AKAP19: variants seen among roughly 807,000 people sequenced by gnomAD.
The protein encoded by AKAP19 is small A-kinase anchoring protein.
the AKAP19 span, among the ~76,000 whole-genome samples, chr2:190,187,809 G>T: frequency 6.6e-6 from 1 of 152,142 alleles, no homozygotes; most frequent in Non-Finnish European, 1.5e-5. Context: ...AGCCACAACT[G>T]GCCACTGTAC....
At chr2:190,076,530 T>C in the AKAP19 span, among the ~76,000 whole-genome samples, 1 of 152,254 alleles carries the variant, frequency 6.6e-6, no homozygotes, top group Admixed American at 6.5e-5. Context: ...ATTATTTTAA[T>C]CTTATTTTCA....
the AKAP19 span, among the ~76,000 whole-genome samples, chr2:189,918,357 C>A: frequency 6.6e-6 from 1 of 151,988 alleles, no homozygotes; most frequent in East Asian, 1.9e-4. Context: ...CTCCTAGTAC[C>A]ACACTCCCTT....
the AKAP19 span, among the ~76,000 whole-genome samples, chr2:189,948,558 G>A: frequency 6.6e-6 from 1 of 152,160 alleles, no homozygotes. Context: ...TTTTAACAAT[G>A]TATGTACATC....
At chr2:190,094,966 G>A in the AKAP19 span, among the ~76,000 whole-genome samples, 30 of 152,152 alleles carry the variant, frequency 2.0e-4, no homozygotes, top group Non-Finnish European at 3.2e-4. Context: ...GGCTCACGCC[G>A]GTAATCCCAG....
the AKAP19 span, among the ~76,000 whole-genome samples, chr2:190,171,625 T>TG: frequency 2.6e-5 from 4 of 152,184 alleles, no homozygotes; most frequent in African/African-American, 9.6e-5. Flanking sequence ...AATATATAAT[T>TG]GGTGGATATT....
chr2:189,982,469 A>G, the AKAP19 span, among the ~76,000 whole-genome samples: 1 of 152,054 alleles, frequency 6.6e-6, no homozygotes, highest in Non-Finnish European at 1.5e-5. Flanking sequence ...TGCAATCCAT[A>G]TTTTGAATTC....
chr2:189,968,761 G>C, the AKAP19 span, among the ~76,000 whole-genome samples: 1 of 152,142 alleles, frequency 6.6e-6, no homozygotes, highest in Admixed American at 6.6e-5. Flanking sequence ...TACTAGGATT[G>C]GAAGGTTTCT....
At chr2:190,144,253 A>AG in the AKAP19 span, among the ~76,000 whole-genome samples, 3 of 151,110 alleles carry the variant, frequency 2.0e-5, no homozygotes, top group Non-Finnish European at 4.4e-5. Flanking sequence ...TAACAGAAAA[A>AG]AAAAAAAGAG....
At chr2:190,112,580 T>C in the AKAP19 span, among the ~76,000 whole-genome samples, 1 of 152,184 alleles carries the variant, frequency 6.6e-6, no homozygotes, top group Non-Finnish European at 1.5e-5. Context: ...TTTTTAATTT[T>C]CTTATAAGCT....
the AKAP19 span, among the ~76,000 whole-genome samples, chr2:189,995,002 A>C: frequency 6.6e-6 from 1 of 152,166 alleles, no homozygotes; most frequent in Non-Finnish European, 1.5e-5. Context: ...TAGTTGATAT[A>C]ATTTTGATTT....
At chr2:189,943,563 A>G in the AKAP19 span, among the ~76,000 whole-genome samples, 1 of 152,190 alleles carries the variant, frequency 6.6e-6, no homozygotes, top group Non-Finnish European at 1.5e-5. Flanking sequence ...CCCCAATGGG[A>G]CACTGCCCAG....
the AKAP19 span, among the ~76,000 whole-genome samples, chr2:189,891,223 C>CTTTTT: frequency 5.4e-5 from 6 of 110,466 alleles, no homozygotes; most frequent in African/African-American, 2.0e-4. Flanking sequence ...TTTTTTTTTC[C>CTTTTT]TTTTTTTTTT....
At chr2:190,154,847 T>C in the AKAP19 span, among the ~76,000 whole-genome samples, 1 of 152,192 alleles carries the variant, frequency 6.6e-6, no homozygotes, top group African/African-American at 2.4e-5. Flanking sequence ...ACAGACCTAC[T>C]GCAGGCTGTG....
chr2:189,960,383 T>C, the AKAP19 span, among the ~76,000 whole-genome samples: 2 of 152,130 alleles, frequency 1.3e-5, no homozygotes, highest in Admixed American at 1.3e-4. Context: ...CTTAGGCAGC[T>C]CCTCCCCTCT....
the AKAP19 span, among the ~76,000 whole-genome samples, chr2:190,191,050 C>A: frequency 6.6e-6 from 1 of 152,138 alleles, no homozygotes; most frequent in African/African-American, 2.4e-5. Flanking sequence ...AATCAGCATG[C>A]CTTTGAGTCA....
chr2:189,920,825 C>T, the AKAP19 span, among the ~76,000 whole-genome samples: 1 of 152,158 alleles, frequency 6.6e-6, no homozygotes, highest in Non-Finnish European at 1.5e-5. Flanking sequence ...TCTCAGCCTG[C>T]CCACTCACCC....
the AKAP19 span, among the ~76,000 whole-genome samples, chr2:189,906,369 C>T: frequency 6.6e-6 from 1 of 151,998 alleles, no homozygotes; most frequent in Admixed American, 6.6e-5. Flanking sequence ...GCTATAATCT[C>T]ACCCCCTGGA....
chr2:189,933,442 G>A, the AKAP19 span, among the ~76,000 whole-genome samples: 1 of 152,068 alleles, frequency 6.6e-6, no homozygotes, highest in Non-Finnish European at 1.5e-5. Context: ...AATTCTTTTA[G>A]ATGATTTTTA....
the AKAP19 span, among the ~76,000 whole-genome samples, chr2:189,890,390 A>G: frequency 1.3e-5 from 2 of 152,198 alleles, no homozygotes; most frequent in Admixed American, 1.3e-4. Flanking sequence ...AAGAATGTAT[A>G]TTCTGTTGAT....
Sources: gnomAD v4.1 joint callset for allele counts (sites outside exome capture counted in the v4.1 genomes callset) on GRCh38, gnomAD v4.1.1 for gene constraint, MANE v1.5 for transcripts, NCBI Gene and HGNC (gene_info 2026-07-23, HGNC 2026-07-21) for gene names.